The following UMAD1 variants were observed in gnomAD, a reference collection of about 807,000 sequenced individuals.
UMAD1 encodes the protein UBAP1-MVB12-associated (UMA)-domain containing protein 1.
UMAD1 carries 8 observed loss-of-function variants against 6.1 expected under a neutral mutation model. The ratio of observed to expected loss-of-function variants is 1.30; its 90% CI spans 0.76 to 2.35. The LOEUF is 2.35. Among genes scored for constraint, UMAD1 ranks in the 30% most tolerant of loss-of-function variants. The pLI, the probability that UMAD1 is intolerant of heterozygous loss-of-function variation, is 0.00. For missense variants in UMAD1, 130 were observed against 78.4 expected (o/e 1.66, Z -2.49); for synonymous variants, 56 against 31.4 (o/e 1.78, Z -2.61).
intron 2 of UMAD1, among the ~76,000 whole-genome samples, chr7:7,693,924 AAAG>A (rs1297046704): frequency 1.3e-5 from 2 of 152,160 alleles, no homozygotes; most frequent in Non-Finnish European, 2.9e-5. Context: ...CAATTATTAA[AAAG>A]AAGAGCTTTC....
At chr7:7,681,765 T>C (rs1431299009) in intron 2 of UMAD1, among the ~76,000 whole-genome samples, 2 of 152,166 alleles carry the variant, frequency 1.3e-5, no homozygotes, top group African/African-American at 2.4e-5. Context: ...TCTCCTGTTA[T>C]GACATGTTTA....
chr7:7,673,540 A>C (rs1293968912), intron 2 of UMAD1, 87 bp downstream of exon 2: 1 of 646,568 alleles, frequency 1.5e-6, no homozygotes, highest in Non-Finnish European at 2.7e-6. Context: ...ATTTTAAATT[A>C]TTTCTTATAA....
At chr7:7,769,103 G>C (rs1466572520) in intron 2 of UMAD1, among the ~76,000 whole-genome samples, 1 of 152,106 alleles carries the variant, frequency 6.6e-6, no homozygotes, top group South Asian at 2.1e-4. Flanking sequence ...CATCTGTCCA[G>C]AAATTTAGCT....
chr7:7,681,838 A>G (rs1225730812), intron 2 of UMAD1, among the ~76,000 whole-genome samples: 1 of 152,188 alleles, frequency 6.6e-6, no homozygotes, highest in Non-Finnish European at 1.5e-5. Context: ...TGGCAAGCTC[A>G]TAGTTATTTT....
intron 3 of UMAD1, among the ~76,000 whole-genome samples, chr7:7,840,705 T>C (rs1203167285): frequency 6.6e-6 from 1 of 152,206 alleles, no homozygotes; most frequent in Non-Finnish European, 1.5e-5. Context: ...ACAGTGGCAA[T>C]AGCAGCAGCA....
At chr7:7,843,094 G>T (rs1783713855) in intron 3 of UMAD1, among the ~76,000 whole-genome samples, 1 of 152,194 alleles carries the variant, frequency 6.6e-6, no homozygotes, top group Admixed American at 6.5e-5. Flanking sequence ...TAAGAATCTA[G>T]TTAGTGAGTG....
At chr7:7,731,466 G>C (rs58785936) in intron 2 of UMAD1, among the ~76,000 whole-genome samples, 2 of 126,878 alleles carry the variant, frequency 1.6e-5, no homozygotes, top group Non-Finnish European at 3.4e-5. Flanking sequence ...AAAGGAAAAG[G>C]AAAAGCAAAC....
chr7:7,814,387 A>G (rs1359490542), intron 3 of UMAD1, among the ~76,000 whole-genome samples: 1 of 151,906 alleles, frequency 6.6e-6, no homozygotes, highest in Non-Finnish European at 1.5e-5. Context: ...CCCATTTTCC[A>G]TTGGCTAGGG....
At chr7:7,817,777 T>C (rs1187003668) in intron 3 of UMAD1, among the ~76,000 whole-genome samples, 3 of 152,240 alleles carry the variant, frequency 2.0e-5, no homozygotes, top group Non-Finnish European at 1.5e-5. Flanking sequence ...ACATTTTCAA[T>C]GGTACTTTTT....
intron 1 of UMAD1, among the ~76,000 whole-genome samples, chr7:7,672,533 A>G (rs565134932): frequency 4.6e-5 from 7 of 152,292 alleles, no homozygotes; most frequent in African/African-American, 1.4e-4. Context: ...ATTAATGCCC[A>G]TGTGTCGAGG....
chr7:7,643,333 C>T (rs891913530), intron 1 of UMAD1, among the ~76,000 whole-genome samples: 29 of 152,222 alleles, frequency 1.9e-4, no homozygotes, highest in African/African-American at 7.0e-4. Flanking sequence ...CCTAAAAACA[C>T]TTCCCAAGGC....
intron 3 of UMAD1, among the ~76,000 whole-genome samples, chr7:7,825,996 C>A (rs1030309): frequency 1.3e-5 from 2 of 151,938 alleles, no homozygotes; most frequent in African/African-American, 2.4e-5. Context: ...ATAATGTAAA[C>A]GCTATATAAA....
At chr7:7,766,765 A>G (rs1378598555) in intron 2 of UMAD1, among the ~76,000 whole-genome samples, 2 of 152,198 alleles carry the variant, frequency 1.3e-5, no homozygotes, top group African/African-American at 4.8e-5. Context: ...ACAAATGTGT[A>G]CTTGTTTATC....
rs530317027 is a variant in UMAD1, at chr7:7,761,947, A to G, written c.83-39723A>G. ...AGTTTCCATTCTTGTGCTTTTTTAT[A>G]CAGTGGGCGCTCAATAAATGTTTGT... On this transcript the variant is annotated intron_variant, in intron 2 of 3. Coordinates refer to ENST00000682710, the MANE Select transcript of UMAD1 (RefSeq NM_001302348.2). 1.5e-4 allele frequency among the ~76,000 whole-genome samples: 23 copies of G among 152,136 alleles called. 1 individual carries two copies. The South Asian group carries it at 4.4e-3, about 29-fold the overall frequency.
chr7:7,669,120 A>T (rs1391338263), intron 1 of UMAD1, among the ~76,000 whole-genome samples: 1 of 152,098 alleles, frequency 6.6e-6, no homozygotes, highest in Non-Finnish European at 1.5e-5. Context: ...AAAATGAAGC[A>T]ACATTACTTG....
intron 2 of UMAD1, among the ~76,000 whole-genome samples, chr7:7,676,956 A>G (rs1022403639): frequency 1.3e-5 from 2 of 152,142 alleles, no homozygotes; most frequent in South Asian, 2.1e-4. Flanking sequence ...CTATACTGAC[A>G]TATATAATAT....
chr7:7,850,307 A>T (rs1783885374), intron 3 of UMAD1, among the ~76,000 whole-genome samples: 1 of 152,100 alleles, frequency 6.6e-6, no homozygotes, highest in Admixed American at 6.6e-5. Context: ...CATATTTAAT[A>T]ATATATCCAA....
At chr7:7,648,089 T>G (rs889325123) in intron 1 of UMAD1, among the ~76,000 whole-genome samples, 8 of 152,118 alleles carry the variant, frequency 5.3e-5, no homozygotes, top group African/African-American at 1.9e-4. Context: ...GCCTGGGAGG[T>G]CTCAGCTGAA....
intron 3 of UMAD1, among the ~76,000 whole-genome samples, chr7:7,837,940 A>G (rs1354020188): frequency 1.3e-5 from 2 of 152,174 alleles, no homozygotes; most frequent in Admixed American, 1.3e-4. Flanking sequence ...TACCAGAGAT[A>G]GAGGGTCACA....
Sources: allele counts gnomAD v4.1 joint callset (sites outside exome capture counted in the v4.1 genomes callset), GRCh38; gene constraint gnomAD v4.1.1; transcripts MANE v1.5; gene names NCBI Gene and HGNC (gene_info 2026-07-23, HGNC 2026-07-21).